APOBEC1: variants seen among roughly 807,000 people sequenced by gnomAD.
APOBEC1 encodes apolipoprotein B mRNA editing enzyme catalytic subunit 1.
A neutral mutation model predicts 26.3 loss-of-function variants in APOBEC1; 22 were observed. That is an observed-to-expected ratio of 0.84 (90% CI 0.60 to 1.19). The LOEUF is 1.19. Among genes scored for constraint, APOBEC1 ranks in the 50% most tolerant of loss-of-function variants. APOBEC1 has a pLI of 0.00. For missense variants in APOBEC1, 253 were observed against 289.0 expected (o/e 0.88, Z 0.90); for synonymous variants, 77 against 95.3 (o/e 0.81, Z 1.12).
At chr12:7,665,984 A>G (rs1863888116), upstream of APOBEC1, 7 of 1,104,306 alleles carry the variant, frequency 6.3e-6, no homozygotes, top group African/African-American at 3.1e-5. Context: ...AGGATGACTC[A>G]TTCCCGCATC....
chr12:7,650,269 G>A (rs1316426173), intron 4 of APOBEC1, among the ~76,000 whole-genome samples: 2 of 152,116 alleles, frequency 1.3e-5, no homozygotes, highest in African/African-American at 4.8e-5. Context: ...CAGACATGAT[G>A]ACACACGCCT....
rs1415330545 is a variant in APOBEC1 at position 7,652,912 on chromosome 12, CTTTTTTTATTTTAT to C, written c.45-91_45-78del. On this transcript the variant is annotated intron_variant, in intron 2 of 4. Coordinates refer to ENST00000229304, the MANE Select transcript of APOBEC1 (RefSeq NM_001644.5). ...AGAAATCTTTTCCTGCTCCCCTCTT[CTTTTTTTATTTTAT>C]TTTATTTTATTTTATTTTTTTAAGA... The C allele has an allele frequency of 5.2e-5, 54 of 1,045,962 alleles. 3 individuals are homozygous for C. Among genetic ancestry groups the C allele is most frequent in the African/African-American group, 4.2e-4 (25 of 59,490 alleles). 64.8% of individuals were successfully genotyped at this position (1,045,962 alleles called of 1,614,324 possible). A position where few individuals can be genotyped will look rare whatever the true frequency, so the allele number is the denominator to read the frequency against.
At chr12:7,664,269 G>A (rs1863862245) in intron 1 of APOBEC1, among the ~76,000 whole-genome samples, 1 of 152,128 alleles carries the variant, frequency 6.6e-6, no homozygotes, top group South Asian at 2.1e-4. Flanking sequence ...TATTGCAATA[G>A]TCTTCTAACT....
At chr12:7,654,000 TCATTTACTA>T (rs1399646968) in intron 2 of APOBEC1, among the ~76,000 whole-genome samples, 1 of 152,188 alleles carries the variant, frequency 6.6e-6, no homozygotes, top group East Asian at 1.9e-4. Context: ...AGTATCACAT[TCATTTACTA>T]CATAGATCAA....
intron 1 of APOBEC1, among the ~76,000 whole-genome samples, chr12:7,665,084 T>G (rs762856166): frequency 6.6e-6 from 1 of 152,214 alleles, no homozygotes; most frequent in African/African-American, 2.4e-5. Context: ...AGGTCTACAC[T>G]TCTCTTAGAA....
upstream of APOBEC1, chr12:7,666,017 G>T: frequency 1.2e-6 from 1 of 856,860 alleles, no homozygotes; most frequent in Non-Finnish European, 2.0e-6. Flanking sequence ...GGGAATCTGA[G>T]CTGTCTGTAC....
intron 1 of APOBEC1, among the ~76,000 whole-genome samples, chr12:7,663,996 C>T (rs1328600268): frequency 1.3e-5 from 2 of 152,118 alleles, no homozygotes; most frequent in South Asian, 4.2e-4. Context: ...AGCGGGATTA[C>T]AGGCATGTGC....
intron 1 of APOBEC1, among the ~76,000 whole-genome samples, chr12:7,661,842 T>G (rs1430830189): frequency 6.6e-6 from 1 of 152,174 alleles, no homozygotes; most frequent in Non-Finnish European, 1.5e-5. Context: ...GGTCCAGCAC[T>G]AGAATTGAGA....
At chr12:7,652,866 T>C in intron 2 of APOBEC1, 31 bp from the exon 3 acceptor site, 1 of 1,526,360 alleles carries the variant, frequency 6.6e-7, no homozygotes, top group African/African-American at 1.4e-5. Flanking sequence ...CACACTGTCA[T>C]GCCACATTTA....
In APOBEC1 at chr12:7,664,279, T is replaced by G. The variant is rs775195766; in HGVS notation, c.16+1578A>C. On this transcript the variant is annotated intron_variant, in intron 1 of 4. Coordinates refer to ENST00000229304, the MANE Select transcript of APOBEC1 (RefSeq NM_001644.5). ...CACACTATTGCAATAGTCTTCTAACTGGTCTCCTTGCTTCCAGTCCAAAAC... is the reference window on the plus strand; with the variant it reads ...CACACTATTGCAATAGTCTTCTAACGGGTCTCCTTGCTTCCAGTCCAAAAC... Among the ~76,000 whole-genome samples the G allele has an allele frequency of 2.6e-5, 4 of 152,316 alleles. No homozygotes were observed. In the South Asian group the frequency reaches 8.3e-4, roughly 32 times the overall value.
At chr12:7,666,104 G>A (rs187305914), upstream of APOBEC1, among the ~76,000 whole-genome samples, 17 of 152,228 alleles carry the variant, frequency 1.1e-4, no homozygotes, top group East Asian at 3.3e-3. Context: ...TGATGCAAAT[G>A]ACATGAATTT....
At chr12:7,659,373 T>TCACA (rs147840833) in intron 1 of APOBEC1, among the ~76,000 whole-genome samples, 1,818 of 114,000 alleles carry the variant, frequency 0.016, 48 homozygotes, top group African/African-American at 0.057. Context: ...AATTTAAAAA[T>TCACA]CACACACACA....
chr12:7,654,477 T>A, intron 2 of APOBEC1, 128 bp downstream of exon 2: 1 of 872,740 alleles, frequency 1.1e-6, no homozygotes, highest in South Asian at 1.4e-5. Context: ...GCTCAAGCGA[T>A]CCTCCTACTC....
intron 3 of APOBEC1, among the ~76,000 whole-genome samples, chr12:7,651,401 T>C (rs973750455): frequency 6.6e-6 from 1 of 151,892 alleles, no homozygotes; most frequent in African/African-American, 2.4e-5. Context: ...GGATCACAGG[T>C]CAGGAGATCG....
chr12:7,665,556 C>T, intron 1 of APOBEC1, among the ~76,000 whole-genome samples: 1 of 152,052 alleles, frequency 6.6e-6, no homozygotes, highest in Non-Finnish European at 1.5e-5. Flanking sequence ...CCTTGGACTC[C>T]CAAAGTGCTG....
At chr12:7,654,301 C>CA (rs531933238) in intron 2 of APOBEC1, among the ~76,000 whole-genome samples, 134 of 144,674 alleles carry the variant, frequency 9.3e-4, no homozygotes, top group Non-Finnish European at 1.7e-3. Flanking sequence ...CTGGAAAAGG[C>CA]AAAAATGAAA....
At chr12:7,660,367 G>GGAAA (rs1329735898) in intron 1 of APOBEC1, among the ~76,000 whole-genome samples, 1 of 16,812 alleles carries the variant, frequency 5.9e-5, no homozygotes, top group Admixed American at 5.2e-4. Context: ...AAGGAAGGAA[G>GGAAA]GAAGGAAGGA....
At chr12:7,658,390 A>G (rs1212686720) in intron 1 of APOBEC1, among the ~76,000 whole-genome samples, 3 of 152,038 alleles carry the variant, frequency 2.0e-5, no homozygotes, top group Admixed American at 1.3e-4. Flanking sequence ...TTCAGGTTTG[A>G]TAGATGATTA....
intron 1 of APOBEC1, 29 bp from the exon 2 acceptor site, chr12:7,654,661 C>G (rs1863689557): frequency 1.2e-6 from 2 of 1,611,896 alleles, no homozygotes; most frequent in Admixed American, 1.7e-5. Context: ...TTATGTCAAA[C>G]AACACTCAAA....
Sources: allele counts gnomAD v4.1 joint callset (sites outside exome capture counted in the v4.1 genomes callset), GRCh38; gene constraint gnomAD v4.1.1; transcripts MANE v1.5; gene names NCBI Gene and HGNC (gene_info 2026-07-23, HGNC 2026-07-21).